SSBP1: variants seen among roughly 807,000 people sequenced by gnomAD.
SSBP1 encodes single-stranded DNA-binding protein, mitochondrial.
A neutral mutation model predicts 27.0 loss-of-function variants in SSBP1; 20 were observed. The ratio of observed to expected loss-of-function variants is 0.74; its 90% CI spans 0.52 to 1.08. The LOEUF (loss-of-function observed/expected upper bound fraction) is 1.08, where lower values mean the gene tolerates loss of function less well. Ranked by LOEUF, SSBP1 falls within the 50% of genes least tolerant of loss-of-function variation. The pLI, the probability that SSBP1 is intolerant of heterozygous loss-of-function variation, is 0.00. For synonymous variants in SSBP1, 59 were observed against 59.3 expected (o/e 1.00, Z 0.02); for missense variants, 137 against 182.4 (o/e 0.75, Z 1.44).
rs1467411121 is a variant in SSBP1 at position 141,743,958 on chromosome 7, A to C, written c.283A>C (p.Arg95=). The C allele has an allele frequency of 2.5e-6, 4 of 1,613,426 alleles. No homozygotes were observed. The South Asian group carries it at 4.4e-5, about 18-fold the overall frequency. The change falls in exon 5 of 7, where the codon AGA becomes CGA. Residue 95 remains arginine (R), a synonymous_variant. Transcript: ENST00000265304. ...AATATCAGTATTCCGGCCAGGCCTC[A>C]GAGACGTGGCATATCAATATGTGAA... ...HRISVFRPGL[R]DVAYQYVKKG...
intron 2 of SSBP1, chr7:141,740,311 A>G (rs1799480263): frequency 6.6e-6 from 1 of 152,166 alleles, no homozygotes; most frequent in South Asian, 2.1e-4. Context: ...TTTTATATTA[A>G]CAGTACTGCC....
chr7:141,743,480 A>C lies in SSBP1; in HGVS notation c.86-81A>C, dbSNP rs1240052996. The C allele has an allele frequency of 4.6e-6, 7 of 1,528,350 alleles. No individual in the cohort carries two copies. The African/African-American group carries it at 9.6e-5, about 21-fold the overall frequency. 94.7% of individuals were successfully genotyped at this position (1,528,350 alleles called of 1,614,324 possible). A position where few individuals can be genotyped will look rare whatever the true frequency, so the allele number is the denominator to read the frequency against. The stretch of plus-strand genomic sequence containing the variant: ...CCATTACATTGAGGGTTAGAGCTTC[A>C]ACATACAAATTTTGGGGGAAGGGGC... On this transcript the variant is annotated intron_variant, in intron 3 of 6. Transcript: ENST00000265304.
chr7:141,739,165 C>T lies in SSBP1; in HGVS notation c.-2C>T, dbSNP rs1799409968. The T allele has an allele frequency of 1.3e-6, 2 of 1,598,974 alleles. No homozygotes were observed. Among genetic ancestry groups the T allele is most frequent in the South Asian group, 1.1e-5 (1 of 87,484 alleles). On this transcript the variant is annotated 5_prime_UTR_variant, in exon 2 of 7. Transcript: ENST00000265304. ...AGACTGTAAGAAAAGAAAATAGAAG[C>T]CATGTTTCGAAGACCTGTATTACAG...
intron 4 of SSBP1, 69 bp from the exon 5 acceptor site, chr7:141,743,833 G>A (rs575979891): frequency 1.2e-5 from 19 of 1,557,792 alleles, no homozygotes; most frequent in Middle Eastern, 1.7e-4. Context: ...CTTAGAAATC[G>A]TGACATTGGT....
In SSBP1 at chr7:141,739,214, C is replaced by T. The variant is rs757302962; in HGVS notation, c.24+24C>T. ...AGGTAGTCACTTGTCTGTATTAATACTGAGATGTATTACTATCAGCCACAG... is the reference window on the plus strand; with the variant it reads ...AGGTAGTCACTTGTCTGTATTAATATTGAGATGTATTACTATCAGCCACAG... On this transcript the variant is annotated intron_variant, in intron 2 of 6. Transcript: ENST00000265304. 7 of 1,570,600 alleles carry T rather than the reference C, an allele frequency of 4.5e-6. No homozygotes were observed. In the East Asian group the frequency reaches 1.1e-4, roughly 25 times the overall value.
chr7:141,750,261 G>A (rs768341068), intron 6 of SSBP1, 50 bp from the exon 7 acceptor site: 11 of 1,338,378 alleles, frequency 8.2e-6, no homozygotes, highest in Non-Finnish European at 1.2e-5. Context: ...TATTGAATGA[G>A]ATGGAGAAAG....
At chr7:141,739,947 A>G (rs1799462907) in intron 2 of SSBP1, 1 of 152,170 alleles carries the variant, frequency 6.6e-6, no homozygotes, top group African/African-American at 2.4e-5. Context: ...TTGCTTCTTA[A>G]CACTAACGTT....
At chr7:141,743,417 T>C (rs1325574992) in intron 3 of SSBP1, 144 bp from the exon 4 acceptor site, 1 of 904,144 alleles carries the variant, frequency 1.1e-6, no homozygotes. Context: ...TGACGTCATC[T>C]AAGCCTAATT....
At chr7:141,740,116 G>A (rs1214606549) in intron 2 of SSBP1, 2 of 152,150 alleles carry the variant, frequency 1.3e-5, no homozygotes, top group African/African-American at 4.8e-5. Context: ...GGTCTAGCTT[G>A]TCTGAGCACT....
intron 5 of SSBP1, 69 bp from the exon 6 acceptor site, chr7:141,745,427 C>T: frequency 1.5e-6 from 2 of 1,330,634 alleles, no homozygotes; most frequent in Non-Finnish European, 2.1e-6. Flanking sequence ...TACTCAGTAC[C>T]ACCCTGACCT....
At chr7:141,746,892 A>G (rs1799811935) in intron 6 of SSBP1, among the ~76,000 whole-genome samples, 1 of 152,182 alleles carries the variant, frequency 6.6e-6, no homozygotes, top group Non-Finnish European at 1.5e-5. Context: ...GATACCTACT[A>G]TCCTGTAAAA....
intron 5 of SSBP1, among the ~76,000 whole-genome samples, chr7:141,745,288 C>G (rs1799735771): frequency 6.6e-6 from 1 of 152,094 alleles, no homozygotes; most frequent in Non-Finnish European, 1.5e-5. Flanking sequence ...CAGATGAAAA[C>G]ATTGTCTGTT....
intron 1 of SSBP1, chr7:141,738,807 A>C (rs1168288004): frequency 4.7e-6 from 1 of 213,622 alleles, no homozygotes; most frequent in Non-Finnish European, 9.2e-6. Context: ...GCAGATACAA[A>C]TCTCTGCTCT....
intron 6 of SSBP1, 145 bp from the exon 7 acceptor site, chr7:141,750,166 G>A (rs1359726446): frequency 3.1e-6 from 2 of 651,642 alleles, no homozygotes; most frequent in African/African-American, 1.9e-5. Context: ...CCTCTCGTGA[G>A]CATAGCAAGT....
chr7:141,745,233 A>G (rs73520148), intron 5 of SSBP1, among the ~76,000 whole-genome samples: 2,368 of 152,268 alleles, frequency 0.016, 68 homozygotes, highest in African/African-American at 0.054. Context: ...TTTCCCTTTG[A>G]ACTGTTTTGT....
chr7:141,744,224 G>T (rs941809008), intron 5 of SSBP1, among the ~76,000 whole-genome samples: 1 of 152,232 alleles, frequency 6.6e-6, no homozygotes, highest in Non-Finnish European at 1.5e-5. Context: ...ACAGTTTAGG[G>T]CAAACAGGGT....
rs1376643751 is a variant in SSBP1, at chr7:141,743,893, A to G, written c.227-9A>G. 1.2e-6 allele frequency: 2 copies of G among 1,601,620 alleles called. No homozygotes were observed. Among genetic ancestry groups the G allele is most frequent in the Admixed American group, 1.7e-5 (1 of 57,370 alleles). ...CATTTGTAACCAATTTCCTATTTTTATGATTTAGGTGATGTCAGTCAAAAG... is the reference window on the plus strand; with the variant it reads ...CATTTGTAACCAATTTCCTATTTTTGTGATTTAGGTGATGTCAGTCAAAAG... On this transcript the variant is annotated splice_polypyrimidine_tract_variant and intron_variant, in intron 4 of 6. Coordinates refer to ENST00000265304, the MANE Select transcript of SSBP1 (RefSeq NM_003143.3).
intron 3 of SSBP1, among the ~76,000 whole-genome samples, 188 bp from the exon 4 acceptor site, chr7:141,743,373 C>T (rs1160887109): frequency 6.6e-6 from 1 of 152,208 alleles, no homozygotes; most frequent in South Asian, 2.1e-4. Context: ...AAGTTCTGAA[C>T]TCTTCCTGTT....
At chr7:141,741,875 C>CAG in intron 2 of SSBP1, 1 of 878,540 alleles carries the variant, frequency 1.1e-6, no homozygotes, top group Non-Finnish European at 1.5e-6. Context: ...TGTGCAAACA[C>CAG]AGAAGTGCCA....
Sources: allele counts gnomAD v4.1 joint callset (sites outside exome capture counted in the v4.1 genomes callset), GRCh38; gene constraint gnomAD v4.1.1; transcripts MANE v1.5; gene names NCBI Gene and HGNC (gene_info 2026-07-23, HGNC 2026-07-21).